The following AGBL1 variants were observed in gnomAD, a reference collection of about 807,000 sequenced individuals.
AGBL1 encodes cytosolic carboxypeptidase 4.
A neutral mutation model predicts 118.9 loss-of-function variants in AGBL1; 130 were observed. The ratio of observed to expected loss-of-function variants is 1.09; its 90% CI spans 0.95 to 1.26. The LOEUF (loss-of-function observed/expected upper bound fraction) is 1.26, where lower values mean the gene tolerates loss of function less well. AGBL1 is among the 50% of genes most tolerant of loss of function. The pLI, the probability that AGBL1 is intolerant of heterozygous loss-of-function variation, is 0.00. For missense variants in AGBL1, 1,584 were observed against 1,298.1 expected, an observed-to-expected ratio of 1.22 and a Z score of -3.38; for synonymous variants, 555 against 478.9, an observed-to-expected ratio of 1.16 and a Z score of -2.08.
At chr15:86,639,392 C>A (rs1015460950) in intron 21 of AGBL1, among the ~76,000 whole-genome samples, 24 of 152,170 alleles carry the variant, frequency 1.6e-4, no homozygotes, top group African/African-American at 5.8e-4. Context: ...CAAAGTGTTA[C>A]TCTGGTATAA....
intron 24 of AGBL1, among the ~76,000 whole-genome samples, chr15:86,995,877 T>A (rs1365060356): frequency 6.6e-6 from 1 of 152,158 alleles, no homozygotes; most frequent in Non-Finnish European, 1.5e-5. Flanking sequence ...GCAGCAGGAG[T>A]GTATTTTCTC....
At chr15:86,674,178 T>C (rs2142549278) in intron 21 of AGBL1, 95 bp from the exon 22 acceptor site, 1 of 1,150,474 alleles carries the variant, frequency 8.7e-7, no homozygotes, top group Non-Finnish European at 1.2e-6. Context: ...GTCTGAAAAA[T>C]GCCTGTGTGT....
chr15:86,467,071 G>T (rs1421701182), intron 18 of AGBL1, among the ~76,000 whole-genome samples: 1 of 152,222 alleles, frequency 6.6e-6, no homozygotes, highest in African/African-American at 2.4e-5. Context: ...GCTGCTCCCA[G>T]AGCCACCCTT....
intron 18 of AGBL1, among the ~76,000 whole-genome samples, chr15:86,443,763 C>T (rs1473630056): frequency 6.6e-6 from 1 of 152,212 alleles, no homozygotes; most frequent in African/African-American, 2.4e-5. Context: ...ACCTGTGTTG[C>T]CATGAATGAC....
At chr15:86,943,255 G>A (rs936593949) in intron 23 of AGBL1, among the ~76,000 whole-genome samples, 2 of 152,134 alleles carry the variant, frequency 1.3e-5, no homozygotes, top group African/African-American at 4.8e-5. Flanking sequence ...GCATGATAAG[G>A]AAGAAGAAAA....
chr15:86,986,912 G>A (rs568374758), intron 23 of AGBL1, among the ~76,000 whole-genome samples: 13 of 152,216 alleles, frequency 8.5e-5, no homozygotes, highest in African/African-American at 2.6e-4. Context: ...AGCCAAAGGA[G>A]ATATGGGTGG....
At chr15:86,108,741 G>A (rs1472083501) in intron 1 of AGBL1, among the ~76,000 whole-genome samples, 1 of 152,132 alleles carries the variant, frequency 6.6e-6, no homozygotes, top group African/African-American at 2.4e-5. Context: ...GGCGGATCAC[G>A]AGGTCAAGAG....
intron 5 of AGBL1, among the ~76,000 whole-genome samples, chr15:86,162,823 C>A (rs1044632586): frequency 6.6e-6 from 1 of 152,182 alleles, no homozygotes; most frequent in African/African-American, 2.4e-5. Context: ...ATTCCCTCTT[C>A]TTCCCCAGGT....
intron 18 of AGBL1, among the ~76,000 whole-genome samples, chr15:86,496,428 T>C (rs1294523449): frequency 2.6e-5 from 4 of 152,038 alleles, no homozygotes; most frequent in African/African-American, 9.7e-5. Context: ...TTTCTGATAA[T>C]CTGTTTTAAG....
chr15:86,658,591 T>A (rs959298284), intron 21 of AGBL1, among the ~76,000 whole-genome samples: 7 of 152,204 alleles, frequency 4.6e-5, no homozygotes, highest in Admixed American at 1.3e-4. Context: ...TACAGCCTCC[T>A]GGACCTTGGT....
intron 22 of AGBL1, among the ~76,000 whole-genome samples, chr15:86,745,617 A>G (rs971339403): frequency 2.6e-5 from 4 of 152,006 alleles, no homozygotes; most frequent in Non-Finnish European, 5.9e-5. Flanking sequence ...GGTGCATGTC[A>G]GATTTCAGAA....
intron 19 of AGBL1, among the ~76,000 whole-genome samples, chr15:86,531,844 A>G (rs1186893335): frequency 6.8e-6 from 1 of 146,216 alleles, no homozygotes; most frequent in Non-Finnish European, 1.5e-5. Context: ...ATATAAACAG[A>G]GTCAAAGACA....
chr15:86,733,348 G>A (rs1387456743), intron 22 of AGBL1, among the ~76,000 whole-genome samples: 1 of 152,168 alleles, frequency 6.6e-6, no homozygotes, highest in African/African-American at 2.4e-5. Context: ...TCAACAGATT[G>A]TATGATGGCC....
chr15:86,744,113 G>A (rs2077720241), intron 22 of AGBL1, among the ~76,000 whole-genome samples: 1 of 152,056 alleles, frequency 6.6e-6, no homozygotes, highest in Non-Finnish European at 1.5e-5. Context: ...AGAAATGAAT[G>A]AAATGGGAGA....
chr15:86,585,435 C>A (rs2084231587), intron 21 of AGBL1, among the ~76,000 whole-genome samples: 1 of 152,032 alleles, frequency 6.6e-6, no homozygotes. Flanking sequence ...CTGTCTCTGC[C>A]CAGGCTGGAG....
intron 22 of AGBL1, among the ~76,000 whole-genome samples, chr15:86,896,099 A>G (rs11637792): frequency 0.14 from 21,362 of 152,004 alleles, 1,811 homozygotes; most frequent in African/African-American, 0.24. Context: ...ATTTAGAGAA[A>G]AGGCTGTTTA....
At chr15:86,118,661 A>ATTAAT (rs1018172837) in intron 1 of AGBL1, among the ~76,000 whole-genome samples, 6 of 152,016 alleles carry the variant, frequency 3.9e-5, no homozygotes, top group Non-Finnish European at 8.8e-5. Context: ...AGGCTCAGCC[A>ATTAAT]TTAAGGGAGG....
chr15:86,810,198 T>C (rs1427937682), intron 22 of AGBL1, among the ~76,000 whole-genome samples: 3 of 152,092 alleles, frequency 2.0e-5, no homozygotes, highest in African/African-American at 7.2e-5. Flanking sequence ...TCTGCTGCAA[T>C]GTGAGAGAGA....
intron 1 of AGBL1, among the ~76,000 whole-genome samples, chr15:86,130,836 T>C (rs922066889): frequency 5.3e-5 from 8 of 152,190 alleles, no homozygotes; most frequent in African/African-American, 1.9e-4. Flanking sequence ...ATTTTGGTGG[T>C]CAGGCATTTG....
Sources: gnomAD v4.1 joint callset for allele counts (sites outside exome capture counted in the v4.1 genomes callset) on GRCh38, gnomAD v4.1.1 for gene constraint, MANE v1.5 for transcripts, NCBI Gene and HGNC (gene_info 2026-07-23, HGNC 2026-07-21) for gene names.